MIB2: variants seen among roughly 807,000 people sequenced by gnomAD.
MIB2 encodes the protein E3 ubiquitin-protein ligase MIB2.
A neutral mutation model predicts 96.6 loss-of-function variants in MIB2; 78 were observed. That is an observed-to-expected ratio of 0.81 (90% confidence interval 0.67 to 0.97). The LOEUF is 0.97. Ranked by LOEUF, MIB2 falls within the 50% of genes least tolerant of loss-of-function variation. The pLI, the probability that MIB2 is intolerant of heterozygous loss-of-function variation, is 0.00. For missense variants in MIB2, 1,543 were observed against 1,424.0 expected (o/e 1.08, Z -1.35); for synonymous variants, 820 against 629.5 (o/e 1.30, Z -4.53).
upstream of MIB2, chr1:1,615,327 C>T (rs1643485493): frequency 1.4e-6 from 2 of 1,385,044 alleles, no homozygotes; most frequent in African/African-American, 1.5e-5. Flanking sequence ...TCTCTAGGAC[C>T]GCCACTGCGC....
chr1:1,624,950 A>G (rs377254932), intron 5 of MIB2, 41 bp from the exon 6 acceptor site: 48 of 1,606,624 alleles, frequency 3.0e-5, no homozygotes, highest in Admixed American at 1.3e-4. Context: ...TGGCTGGCTC[A>G]TGGCTCAGCC....
intron 19 of MIB2, 35 bp downstream of exon 19, chr1:1,629,739 G>A: frequency 1.3e-6 from 2 of 1,543,308 alleles, no homozygotes; most frequent in East Asian, 2.4e-5. Context: ...CACGCCTCCT[G>A]CTCAGCTGGT....
At chr1:1,615,760 G>A (rs1643561570) in intron 1 of MIB2, 127 bp downstream of exon 1, 2 of 1,438,316 alleles carry the variant, frequency 1.4e-6, no homozygotes, top group African/African-American at 3.0e-5. Context: ...GGCTGGACTC[G>A]GCGTAGGGTC....
rs1203891020 is a variant in MIB2 at position 1,629,856 on chromosome 1, C to G, written c.2629+152C>G. 9.9e-6 allele frequency: 8 copies of G among 809,610 alleles called. No homozygotes were observed. The African/African-American group carries it at 1.3e-4, about 13-fold the overall frequency. 50.2% of individuals were successfully genotyped at this position (809,610 alleles called of 1,614,324 possible). On this transcript the variant is annotated intron_variant, in intron 19 of 19. Coordinates refer to ENST00000355826, the MANE Select transcript of MIB2 (RefSeq NM_001170687.4). ...AAGGCTCACACCCGGCCCCCCAGCCCCCAGCCCCCAGCCCCGCCTGCTCCA... is the reference window on the plus strand; with the variant it reads ...AAGGCTCACACCCGGCCCCCCAGCCGCCAGCCCCCAGCCCCGCCTGCTCCA...
chr1:1,624,986 C>G lies in MIB2; in HGVS notation c.527-5C>G. The stretch of plus-strand genomic sequence containing the variant: ...TTAGCCTGCTGGGGGGGCCTCTTTC[C>G]CCAGGAGGGGAAGGGAAACCGGGCC... On this transcript the variant is annotated splice_region_variant and splice_polypyrimidine_tract_variant and intron_variant, in intron 5 of 19. Transcript: ENST00000355826. 6.2e-7 allele frequency: 1 copy of G among 1,609,998 alleles called. No homozygotes were observed. Among genetic ancestry groups the G allele is most frequent in the Non-Finnish European group, 8.5e-7 (1 of 1,178,006 alleles).
At chr1:1,620,624 C>T (rs1045601684) in intron 2 of MIB2, among the ~76,000 whole-genome samples, 1 of 152,246 alleles carries the variant, frequency 6.6e-6, no homozygotes, top group East Asian at 1.9e-4. Context: ...CAGACTGCTG[C>T]GTCGGCCTCC....
chr1:1,628,588 G>A lies in MIB2; in HGVS notation c.2068G>A (p.Ala690Thr). The A allele has an allele frequency of 3.7e-6, 6 of 1,600,600 alleles. No individual in the cohort carries two copies. Among genetic ancestry groups the A allele is most frequent in the Non-Finnish European group, 4.2e-6 (5 of 1,177,878 alleles). ...HVGLVPLLVD[A>T]GCSVNAEDEE... ...GGGGCTGGTGCCGCTACTGGTGGACGCTGGGTGCAGTGTCAACGCCGAGGA... is the reference window on the plus strand; with the variant it reads ...GGGGCTGGTGCCGCTACTGGTGGACACTGGGTGCAGTGTCAACGCCGAGGA... Residue 690 changes from alanine (A) to threonine (T), a missense_variant, in exon 16 of 20, where the codon GCT becomes ACT. Ala to Thr is a moderately conservative substitution (Grantham distance 58). Transcript: ENST00000355826.
upstream of MIB2, chr1:1,614,804 CAGG>C: frequency 6.6e-6 from 1 of 152,620 alleles, no homozygotes; most frequent in Admixed American, 6.5e-5. Context: ...ATCACGAGGT[CAGG>C]AGTTCGAAAT....
At position 1,627,407 on chromosome 1, in the gene MIB2, G is replaced by C; in HGVS notation, c.1486G>C (p.Asp496His). 1.9e-6 allele frequency: 3 copies of C among 1,612,902 alleles called. No individual in the cohort carries two copies. In the South Asian group the frequency reaches 3.3e-5, roughly 18 times the overall value. Residue 496 changes from aspartate (D) to histidine (H), a missense_variant, in exon 12 of 20, where the codon GAC becomes CAC. Coordinates refer to ENST00000355826, the MANE Select transcript of MIB2 (RefSeq NM_001170687.4). Reference sequence around the variant, plus strand: ...CAGGGCGGGCGTGGACCTGCCGGACGACGAGGGCAACACGGCACTGCACTA... The same window carrying C: ...CAGGGCGGGCGTGGACCTGCCGGACCACGAGGGCAACACGGCACTGCACTA... Reference protein sequence around the residue: ...QARAGVDLPDDEGNTALHYAA... With the variant: ...QARAGVDLPDHEGNTALHYAA...
rs1209060501 is a variant in MIB2, at chr1:1,628,317, C to G, written c.1886C>G (p.Ala629Gly). The change falls in exon 15 of 20, where the codon GCC becomes GGC. Residue 629 changes from alanine (A) to glycine (G), a missense_variant. Physicochemically the swap from Ala to Gly is moderately conservative, Grantham distance 60. Transcript: ENST00000355826. Reference sequence around the variant, plus strand: ...GCTCGGGCGCGGCAGCTGGTGGACGCCAAGAAGGAGGACGGCTTCACGGCG... The same window carrying G: ...GCTCGGGCGCGGCAGCTGGTGGACGGCAAGAAGGAGGACGGCTTCACGGCG... The part of the protein sequence containing the change: ...ILARARQLVD[A>G]KKEDGFTALH... 2 of 1,612,782 alleles carry G rather than the reference C, an allele frequency of 1.2e-6. No homozygotes were observed. Among genetic ancestry groups the G allele is most frequent in the Non-Finnish European group, 8.5e-7 (1 of 1,179,946 alleles).
rs1644712091 is a variant in MIB2 at position 1,625,869 on chromosome 1, G to A, written c.972+216G>A. 3 of 585,330 alleles carry A rather than the reference G, an allele frequency of 5.1e-6. No individual in the cohort carries two copies. Among genetic ancestry groups the A allele is most frequent in the Non-Finnish European group, 6.1e-6 (2 of 327,108 alleles). The allele number at this position is 585,330 out of a possible 1,614,324, so 36.3% of individuals were successfully genotyped here. A position where few individuals can be genotyped will look rare whatever the true frequency, so the allele number is the denominator to read the frequency against. ...GAACCCAGAGGAGGGTATGTCTCTGGGAGCTGGAATGGGCAGGTTAGGGCC... is the reference window on the plus strand; with the variant it reads ...GAACCCAGAGGAGGGTATGTCTCTGAGAGCTGGAATGGGCAGGTTAGGGCC... On this transcript the variant is annotated intron_variant, in intron 8 of 19. Transcript: ENST00000355826. This position sits in a 1 kb window ranked among gnomAD's most constrained non-coding sequence, Gnocchi z 5.0.
At position 1,625,085 on chromosome 1, in the gene MIB2, C is replaced by G; in HGVS notation, c.621C>G (p.Thr207=). The stretch of plus-strand genomic sequence containing the variant: ...CCAGCGTGACGTGGGCTGATGGTAC[C>G]ACCAATGTGTACCGTGTGGGCCACA... ...SVASVTWADG[T]TNVYRVGHKG... Residue 207 remains threonine, a synonymous_variant, in exon 6 of 20, where the codon ACC becomes ACG. Coordinates refer to ENST00000355826, the MANE Select transcript of MIB2 (RefSeq NM_001170687.4). The surrounding 1 kb of genome is among the most constrained non-coding windows in gnomAD (Gnocchi z 5.0). 6.2e-7 allele frequency: 1 copy of G among 1,613,342 alleles called. No homozygotes were observed. The highest frequency in any genetic ancestry group is 8.5e-7 in the Non-Finnish European group (1 of 1,180,004).
chr1:1,630,399 A>G lies in MIB2; in HGVS notation c.2737A>G (p.Ile913Val). ...GATGGAGGAACGCATCACCTGCCCC[A>G]TCTGCATCGACAGCCACATCCGCCT... is the stretch of plus-strand genomic sequence containing the variant. The part of the protein sequence containing the change: ...RQMEERITCP[I>V]CIDSHIRLVF... The change falls in exon 20 of 20, where the codon ATC (isoleucine) becomes GTC (valine). Residue 913 changes from isoleucine (I) to valine (V), a missense_variant. By Grantham distance (29) the Ile-to-Val change is conservative. Transcript: ENST00000355826. 1.9e-6 allele frequency: 3 copies of G among 1,565,372 alleles called. No homozygotes were observed. Among genetic ancestry groups the G allele is most frequent in the Non-Finnish European group, 2.6e-6 (3 of 1,158,270 alleles).
At position 1,629,523 on chromosome 1, in the gene MIB2, G is replaced by C. The variant is rs749889740; in HGVS notation, c.2520G>C (p.Leu840=). 66 of 1,541,000 alleles carry C rather than the reference G, an allele frequency of 4.3e-5. No homozygotes were observed. Among genetic ancestry groups the C allele is most frequent in the Non-Finnish European group, 5.3e-5 (61 of 1,147,702 alleles). Residue 840 remains leucine (L), a synonymous_variant, in exon 18 of 20, where the codon CTG becomes CTC. Coordinates refer to ENST00000355826, the MANE Select transcript of MIB2 (RefSeq NM_001170687.4). The part of the protein sequence containing the change: ...AECLVCSELA[L]LVLFSPCQHR... ...GCCTGGTGTGCTCCGAGCTGGCGCT[G>C]CTGGTGCTGTTCTCGCCGTGCCAGC...
chr1:1,616,114 C>G, intron 1 of MIB2: 1 of 983,026 alleles, frequency 1.0e-6, no homozygotes, highest in Non-Finnish European at 1.2e-6. Flanking sequence ...CTGCGCGGCC[C>G]TGGCAAGGTC....
chr1:1,620,958 C>T (rs1644205985), intron 2 of MIB2, among the ~76,000 whole-genome samples: 5 of 152,262 alleles, frequency 3.3e-5, no homozygotes, highest in Admixed American at 2.6e-4. Flanking sequence ...GAACTGTGTC[C>T]ACCTGGACAT....
chr1:1,629,612 C>T, intron 18 of MIB2, 27 bp from the exon 19 acceptor site: 1 of 1,571,302 alleles, frequency 6.4e-7, no homozygotes, highest in Non-Finnish European at 8.6e-7. Context: ...AGTAGGGCCG[C>T]AGCCAACCGC....
upstream of MIB2, chr1:1,615,472 CTCCGGCGGGGGCGG>C: frequency 6.6e-7 from 1 of 1,520,012 alleles, no homozygotes. Context: ...GGCGGGGGCG[CTCCGGCGGGGGCGG>C]GCCCTGGGCT....
Position 1,615,638 on chromosome 1 carries a change from G to C in MIB2, c.-130+5G>C, listed in dbSNP as rs1168088541. 1 of 1,574,592 alleles carries C rather than the reference G, an allele frequency of 6.4e-7. No individual in the cohort carries two copies. Among genetic ancestry groups the C allele is most frequent in the African/African-American group, 1.4e-5 (1 of 72,582 alleles). ...GGGCCGTCCTCTCGGCTGATGGTGC[G>C]TGCGGGCGCGGATCTCCTCCCCTGG... On this transcript the variant is annotated splice_donor_5th_base_variant and intron_variant, in intron 1 of 19. Transcript: ENST00000355826.
Sources: allele counts gnomAD v4.1 joint callset (sites outside exome capture counted in the v4.1 genomes callset), GRCh38; gene constraint gnomAD v4.1.1; non-coding constraint Gnocchi (gnomAD v3.1); transcripts MANE v1.5; gene names NCBI Gene and HGNC (gene_info 2026-07-23, HGNC 2026-07-21).